STX3: variants seen among roughly 807,000 people sequenced by gnomAD.
STX3 encodes the protein syntaxin 3.
In STX3, 19 loss-of-function variants were observed where a neutral mutation model predicts 40.2. The ratio of observed to expected loss-of-function variants is 0.47; its 90% CI spans 0.33 to 0.69. The LOEUF (loss-of-function observed/expected upper bound fraction) is 0.69. Ranked by LOEUF, STX3 falls within the 30% of genes least tolerant of loss-of-function variation. STX3 has a pLI of 0.02. For missense variants in STX3, 364 were observed against 366.7 expected (o/e 0.99, Z 0.06); for synonymous variants, 122 against 132.2 (o/e 0.92, Z 0.53).
chr11:59,795,214 C>G (rs904319186), intron 8 of STX3, among the ~76,000 whole-genome samples, 158 bp from the exon 9 acceptor site: 2 of 152,154 alleles, frequency 1.3e-5, no homozygotes, highest in African/African-American at 2.4e-5. Flanking sequence ...ACCCCACCAC[C>G]AAGGACTGTG....
chr11:59,797,570 G>A (rs537801921), intron 10 of STX3, among the ~76,000 whole-genome samples, 174 bp downstream of exon 10: 1 of 152,252 alleles, frequency 6.6e-6, no homozygotes, highest in South Asian at 2.1e-4. Context: ...ATTGGTTTCT[G>A]GCTGCAGTAC....
intron 8 of STX3, among the ~76,000 whole-genome samples, chr11:59,794,238 A>C (rs189757221): frequency 1.3e-5 from 2 of 152,214 alleles, no homozygotes; most frequent in African/African-American, 4.8e-5. Context: ...TGTCCCAGGC[A>C]TGCTTGCTCG....
chr11:59,782,244 G>T (rs946998181), intron 2 of STX3, among the ~76,000 whole-genome samples: 1 of 152,236 alleles, frequency 6.6e-6, no homozygotes, highest in Non-Finnish European at 1.5e-5. Context: ...AACATGTAGA[G>T]TGATTGACTT....
chr11:59,768,244 A>G (rs1177625132), intron 1 of STX3, among the ~76,000 whole-genome samples: 1 of 152,168 alleles, frequency 6.6e-6, no homozygotes, highest in Admixed American at 6.5e-5. Flanking sequence ...AGGCAGATTC[A>G]GTCAGTTGAT....
At chr11:59,772,547 A>G (rs1420331966) in intron 1 of STX3, among the ~76,000 whole-genome samples, 1 of 152,156 alleles carries the variant, frequency 6.6e-6, no homozygotes, top group African/African-American at 2.4e-5. Flanking sequence ...CTTTACTCCT[A>G]ATGTGAAAAT....
Position 59,802,688 on chromosome 11 carries a change from CT to C in STX3, c.*1867del. The stretch of plus-strand genomic sequence containing the variant: ...ATTGCTAATTTAAAAATAAAAATGA[CT>C]TTGTATTGATTGTGAAACGGTTCTG... On this transcript the variant is annotated 3_prime_UTR_variant, in exon 11 of 11. Transcript: ENST00000337979. 1.0e-6 allele frequency: 1 copy of C among 985,654 alleles called. No homozygotes were observed. The highest frequency in any genetic ancestry group is 1.2e-6 in the Non-Finnish European group (1 of 829,792). 61.1% of individuals were successfully genotyped at this position (985,654 alleles called of 1,614,324 possible).
intron 10 of STX3, among the ~76,000 whole-genome samples, chr11:59,797,927 A>G (rs766734415): frequency 1.3e-5 from 2 of 152,224 alleles, no homozygotes; most frequent in Admixed American, 6.5e-5. Context: ...ACAATGTACT[A>G]AACACCTTAT....
At chr11:59,782,820 T>G (rs1244698802) in intron 2 of STX3, among the ~76,000 whole-genome samples, 2 of 151,464 alleles carry the variant, frequency 1.3e-5, no homozygotes, top group Non-Finnish European at 2.9e-5. Context: ...TGGTGAAACC[T>G]TGTCTCTACT....
chr11:59,754,195 G>T (rs985601987), upstream of STX3: 1 of 152,252 alleles, frequency 6.6e-6, no homozygotes, highest in Non-Finnish European at 1.5e-5. Flanking sequence ...AGCACAGCGG[G>T]CAGAAGGAAG....
At chr11:59,773,719 C>T (rs139090599) in intron 2 of STX3, among the ~76,000 whole-genome samples, 3 of 152,280 alleles carry the variant, frequency 2.0e-5, no homozygotes, top group African/African-American at 7.2e-5. Flanking sequence ...GTGGCTCACA[C>T]CTGTAAGCCC....
intron 10 of STX3, chr11:59,799,745 G>A (rs1865762601): frequency 1.0e-6 from 1 of 985,218 alleles, no homozygotes; most frequent in African/African-American, 1.7e-5. Context: ...ACAGCATTGA[G>A]CATTCAACTT....
At chr11:59,799,962 A>G (rs558481493) in intron 10 of STX3, 3 of 985,382 alleles carry the variant, frequency 3.0e-6, no homozygotes, top group East Asian at 1.1e-4. Flanking sequence ...TTATTTTTCC[A>G]TATCCTTGGA....
intron 3 of STX3, among the ~76,000 whole-genome samples, chr11:59,787,724 C>T (rs11230076): frequency 2.0e-5 from 3 of 152,178 alleles, no homozygotes; most frequent in Non-Finnish European, 4.4e-5. Flanking sequence ...CTAACACTAA[C>T]GATAGCTGAA....
intron 5 of STX3, among the ~76,000 whole-genome samples, chr11:59,791,823 T>C (rs1261714438): frequency 6.6e-6 from 1 of 152,140 alleles, no homozygotes; most frequent in Non-Finnish European, 1.5e-5. Flanking sequence ...TACTAGTCCA[T>C]GTGGATGTAG....
rs1865963961 is a variant in STX3, at chr11:59,803,227, A to G, written c.*2403A>G. On this transcript the variant is annotated 3_prime_UTR_variant, in exon 11 of 11. Transcript: ENST00000337979. ...TTGTCTGGATGAGCAGAAGAAGATC[A>G]TGATCATGATCTGCTGTATTATCCT... The G allele has an allele frequency of 8.1e-7, 1 of 1,231,696 alleles. No individual in the cohort carries two copies. Among genetic ancestry groups the G allele is most frequent in the East Asian group, 3.2e-5 (1 of 31,708 alleles). 76.3% of individuals were successfully genotyped at this position (1,231,696 alleles called of 1,614,324 possible). A position where few individuals can be genotyped will look rare whatever the true frequency, so the allele number is the denominator to read the frequency against.
rs1439343378 is a variant in STX3 at position 59,792,137 on chromosome 11, G to T, written c.388G>T (p.Val130Leu). 1 of 1,613,980 alleles carries T rather than the reference G, an allele frequency of 6.2e-7. No individual in the cohort carries two copies. Among genetic ancestry groups the T allele is most frequent in the Non-Finnish European group, 8.5e-7 (1 of 1,180,038 alleles). ...HSVLSRKFVE[V>L]MTKYNEAQVD... Reference sequence around the variant, plus strand: ...TGTCCTTTCTCGGAAGTTTGTGGAGGTGATGACCAAATACAATGAAGCTCA... The same window carrying T: ...TGTCCTTTCTCGGAAGTTTGTGGAGTTGATGACCAAATACAATGAAGCTCA... The change falls in exon 6 of 11, where the codon GTG becomes TTG. Residue 130 changes from valine (V) to leucine (L), a missense_variant. Physicochemically the swap from Val to Leu is conservative, Grantham distance 32. Transcript: ENST00000337979.
chr11:59,803,215 C>A lies in STX3; in HGVS notation c.*2391C>A. 8.1e-7 allele frequency: 1 copy of A among 1,231,666 alleles called. No homozygotes were observed. Among genetic ancestry groups the A allele is most frequent in the Non-Finnish European group, 1.0e-6 (1 of 987,952 alleles). The allele number at this position is 1,231,666 out of a possible 1,614,324, so 76.3% of individuals were successfully genotyped here. ...TTCTTTCTTTCCTTGTCTGGATGAGCAGAAGAAGATCATGATCATGATCTG... is the reference window on the plus strand; with the variant it reads ...TTCTTTCTTTCCTTGTCTGGATGAGAAGAAGAAGATCATGATCATGATCTG... On this transcript the variant is annotated 3_prime_UTR_variant, in exon 11 of 11. Transcript: ENST00000337979.
At position 59,802,591 on chromosome 11, in the gene STX3, TAC is replaced by T; in HGVS notation, c.*1769_*1770del. On this transcript the variant is annotated 3_prime_UTR_variant, in exon 11 of 11. Transcript: ENST00000337979. ...TCCTCTGACATTGAGGCCTGGGGCT[TAC>T]AGTTTGGAATACAACATGTGAAGGT... The T allele has an allele frequency of 1.0e-6, 1 of 985,882 alleles. No homozygotes were observed. The highest frequency in any genetic ancestry group is 1.2e-6 in the Non-Finnish European group (1 of 829,930). The allele number at this position is 985,882 out of a possible 1,614,324, so 61.1% of individuals were successfully genotyped here.
At chr11:59,761,865 T>G (rs1340748889) in intron 1 of STX3, among the ~76,000 whole-genome samples, 1 of 152,112 alleles carries the variant, frequency 6.6e-6, no homozygotes, top group Non-Finnish European at 1.5e-5. Context: ...ACTTTTAGAT[T>G]TATGGAAAAG....
Sources: gnomAD v4.1 joint callset for allele counts (sites outside exome capture counted in the v4.1 genomes callset) on GRCh38, gnomAD v4.1.1 for gene constraint, MANE v1.5 for transcripts, NCBI Gene and HGNC (gene_info 2026-07-23, HGNC 2026-07-21) for gene names.